Variants in UNC13C observed in about 807,000 individuals in gnomAD.
The protein encoded by UNC13C is protein unc-13 homolog C.
In UNC13C, 174 loss-of-function variants were observed where a neutral mutation model predicts 245.4. That is an observed-to-expected ratio of 0.71 (90% CI 0.63 to 0.80). The LOEUF (loss-of-function observed/expected upper bound fraction) is 0.80, where lower values mean the gene tolerates loss of function less well. Among genes scored for constraint, UNC13C ranks in the 30% least tolerant of loss-of-function variants. The probability of loss-of-function intolerance (pLI) is 0.00; values close to 1 mark genes in which losing one functional copy is unlikely to be tolerated. For missense variants in UNC13C, 2,829 were observed against 2,602.9 expected, an observed-to-expected ratio of 1.09 and a Z score of -1.89; for synonymous variants, 992 against 895.1, an observed-to-expected ratio of 1.11 and a Z score of -1.93.
chr15:54,612,975 C>T (rs755874772), intron 30 of UNC13C, among the ~76,000 whole-genome samples: 14 of 151,796 alleles, frequency 9.2e-5, no homozygotes, highest in Non-Finnish European at 1.3e-4. Flanking sequence ...TAATTTTGTG[C>T]TTGCCATGTC....
In UNC13C at chr15:54,431,697, T is replaced by A. The variant is rs183985885; in HGVS notation, c.4933+16630T>A. Among the ~76,000 whole-genome samples, 228 of 151,762 alleles carry A rather than the reference T, an allele frequency of 1.5e-3. 1 individual carries two copies. Among genetic ancestry groups the A allele is most frequent in the African/African-American group, 5.3e-3 (220 of 41,522 alleles). On this transcript the variant is annotated intron_variant, in intron 19 of 32. Coordinates refer to ENST00000260323, the MANE Select transcript of UNC13C (RefSeq NM_001080534.3). The stretch of plus-strand genomic sequence containing the variant: ...CTTTCTTTGGTAAAAAACTTCTGTA[T>A]AAATTGGAAAATCATATGTGCAATA...
chr15:54,003,580 AC>A (rs1217018961), intron 1 of UNC13C, among the ~76,000 whole-genome samples: 9 of 152,222 alleles, frequency 5.9e-5, no homozygotes, highest in African/African-American at 2.2e-4. Flanking sequence ...TTTATGGGGT[AC>A]CTGAGATATT....
At chr15:53,862,329 G>GT in the UNC13C span, among the ~76,000 whole-genome samples, 2 of 152,100 alleles carry the variant, frequency 1.3e-5, no homozygotes, top group Admixed American at 6.6e-5. Context: ...AAAATTACAA[G>GT]TTTTTTTCTA....
chr15:54,483,453 T>C (rs1469968827), intron 19 of UNC13C, among the ~76,000 whole-genome samples: 1 of 152,224 alleles, frequency 6.6e-6, no homozygotes, highest in African/African-American at 2.4e-5. Context: ...CAATTTTTCT[T>C]TGTTTTTAAT....
intron 17 of UNC13C, among the ~76,000 whole-genome samples, chr15:54,341,246 A>G (rs1367569102): frequency 2.0e-5 from 3 of 152,236 alleles, no homozygotes; most frequent in African/African-American, 7.2e-5. Context: ...AAAATGTGGT[A>G]TATGCACACC....
intron 18 of UNC13C, among the ~76,000 whole-genome samples, chr15:54,396,755 T>C (rs571847765): frequency 5.1e-4 from 77 of 151,590 alleles, no homozygotes; most frequent in African/African-American, 1.8e-3. Flanking sequence ...GATTTTAATT[T>C]GCACTTTCCT....
intron 1 of UNC13C, among the ~76,000 whole-genome samples, chr15:53,982,729 A>G: frequency 6.6e-6 from 1 of 152,122 alleles, no homozygotes; most frequent in Admixed American, 6.6e-5. Flanking sequence ...TAGCTCAGTC[A>G]CCAATTGTCT....
At chr15:54,016,968 C>G (rs1203746070) in intron 2 of UNC13C, among the ~76,000 whole-genome samples, 1 of 152,164 alleles carries the variant, frequency 6.6e-6, no homozygotes, top group Non-Finnish European at 1.5e-5. Flanking sequence ...CTGGTTATAT[C>G]TTCTCTGTCT....
At chr15:54,046,928 A>G (rs1294449202) in intron 2 of UNC13C, among the ~76,000 whole-genome samples, 1 of 152,068 alleles carries the variant, frequency 6.6e-6, no homozygotes, top group Admixed American at 6.6e-5. Context: ...AGTAATTCAG[A>G]TAGGGGTAAG....
chr15:53,936,778 C>T, the UNC13C span, among the ~76,000 whole-genome samples: 6 of 152,178 alleles, frequency 3.9e-5, no homozygotes, highest in Admixed American at 6.5e-5. Context: ...ACTGCAGCAG[C>T]CCTATGGTTG....
intron 13 of UNC13C, among the ~76,000 whole-genome samples, chr15:54,306,083 C>T (rs1411603809): frequency 6.6e-6 from 1 of 151,982 alleles, no homozygotes; most frequent in Non-Finnish European, 1.5e-5. Context: ...TCTTTTCAGA[C>T]AAAAGAGTCT....
chr15:53,885,939 C>T, the UNC13C span, among the ~76,000 whole-genome samples: 5 of 151,966 alleles, frequency 3.3e-5, no homozygotes, highest in African/African-American at 1.2e-4. Flanking sequence ...CCCTGCTATA[C>T]CTGTGTACTG....
chr15:54,376,837 G>A (rs1204273669), intron 17 of UNC13C, among the ~76,000 whole-genome samples: 1 of 152,172 alleles, frequency 6.6e-6, no homozygotes, highest in African/African-American at 2.4e-5. Flanking sequence ...CCCCCAGAAA[G>A]ACTTGCTGTT....
chr15:54,437,358 T>G (rs1283273847), intron 19 of UNC13C, among the ~76,000 whole-genome samples: 1 of 151,950 alleles, frequency 6.6e-6, no homozygotes, highest in African/African-American at 2.4e-5. Flanking sequence ...TTATATAAGC[T>G]TCAAAGGAAC....
At chr15:54,064,409 G>C (rs1035108428) in intron 2 of UNC13C, among the ~76,000 whole-genome samples, 1 of 152,178 alleles carries the variant, frequency 6.6e-6, no homozygotes, top group Non-Finnish European at 1.5e-5. Context: ...TCCTCACACA[G>C]TGAGGGCTGG....
At chr15:54,031,016 G>A (rs1017779462) in intron 2 of UNC13C, among the ~76,000 whole-genome samples, 1 of 151,898 alleles carries the variant, frequency 6.6e-6, no homozygotes, top group Admixed American at 6.6e-5. Flanking sequence ...AGTCTCTTAG[G>A]CCTGTGATGC....
chr15:54,280,609 T>A (rs1391833870), intron 10 of UNC13C, among the ~76,000 whole-genome samples: 1 of 149,100 alleles, frequency 6.7e-6, no homozygotes, highest in African/African-American at 2.5e-5. Context: ...TTGCTCTCTC[T>A]CCATATATAT....
chr15:54,155,164 C>G (rs2032688433), intron 4 of UNC13C, among the ~76,000 whole-genome samples: 1 of 152,174 alleles, frequency 6.6e-6, no homozygotes. Context: ...TGTCTACATT[C>G]ACTCATGCAT....
At chr15:54,316,583 G>A (rs116889333) in intron 13 of UNC13C, among the ~76,000 whole-genome samples, 1,551 of 151,852 alleles carry the variant, frequency 0.01, 15 homozygotes, top group Non-Finnish European at 0.017. Context: ...TTACATGACC[G>A]ATTCCCCCAG....
Sources: allele counts gnomAD v4.1 joint callset (sites outside exome capture counted in the v4.1 genomes callset), GRCh38; gene constraint gnomAD v4.1.1; transcripts MANE v1.5; gene names NCBI Gene and HGNC (gene_info 2026-07-23, HGNC 2026-07-21).